Variants in SNX18 observed in about 807,000 individuals in gnomAD.
SNX18 encodes the protein sorting nexin 18, also known as sorting nexin-18.
In SNX18, 35 loss-of-function variants were observed where a neutral mutation model predicts 48.7. That is an observed-to-expected ratio of 0.72 (90% CI 0.55 to 0.95). The LOEUF (loss-of-function observed/expected upper bound fraction) is 0.95, where lower values mean the gene tolerates loss of function less well. Among genes scored for constraint, SNX18 ranks in the 40% least tolerant of loss-of-function variants. The pLI is 0.00. For synonymous variants in SNX18, 492 were observed against 384.7 expected (o/e 1.28, Z -3.26); for missense variants, 824 against 871.0 (o/e 0.95, Z 0.68).
At chr5:54,644,519 A>C in the SNX18 span, 1 of 152,194 alleles carries the variant, frequency 6.6e-6, no homozygotes, top group South Asian at 2.1e-4. Flanking sequence ...CCTAAGAGAA[A>C]CTCAATTCGT....
At chr5:54,575,761 C>G in the SNX18 span, among the ~76,000 whole-genome samples, 1 of 152,060 alleles carries the variant, frequency 6.6e-6, no homozygotes, top group Non-Finnish European at 1.5e-5. Flanking sequence ...CCCTTCTCAC[C>G]AAAGCCTGGA....
In SNX18 at chr5:54,518,490, G is replaced by T. The variant is rs955534594; in HGVS notation, c.538G>T (p.Asp180Tyr). The change falls in exon 1 of 2, where the codon GAC becomes TAC. Residue 180 changes from aspartate to tyrosine, a missense_variant. Transcript: ENST00000381410. ...GGGCAGCGGAGCATACCCGGACCTC[G>T]ACGGCTCGTCTTCGGCGGGTGTGGG... ...ALGSGAYPDL[D>Y]GSSSAGVGAA... 1 of 1,570,948 alleles carries T rather than the reference G, an allele frequency of 6.4e-7. No homozygotes were observed. The highest frequency in any genetic ancestry group is 1.1e-5 in the South Asian group (1 of 87,296).
At chr5:54,573,365 C>G in the SNX18 span, among the ~76,000 whole-genome samples, 1 of 152,090 alleles carries the variant, frequency 6.6e-6, no homozygotes, top group Non-Finnish European at 1.5e-5. Context: ...TTCTTTCTTG[C>G]GCGAGATCCA....
intron 1 of SNX18, among the ~76,000 whole-genome samples, chr5:54,535,316 T>C (rs1251164204): frequency 2.6e-5 from 4 of 152,300 alleles, no homozygotes; most frequent in Non-Finnish European, 5.9e-5. Flanking sequence ...CTAGGACTGG[T>C]GATGGAGAAG....
At chr5:54,533,531 C>T (rs925535974) in intron 1 of SNX18, among the ~76,000 whole-genome samples, 3 of 152,180 alleles carry the variant, frequency 2.0e-5, no homozygotes, top group Non-Finnish European at 4.4e-5. Context: ...AGGGTATCCC[C>T]CCTTGGGCCA....
At chr5:54,527,623 T>A (rs1762161055) in intron 1 of SNX18, among the ~76,000 whole-genome samples, 1 of 152,246 alleles carries the variant, frequency 6.6e-6, no homozygotes, top group Non-Finnish European at 1.5e-5. Context: ...AAGCACTTTC[T>A]AGCTTCAGGT....
chr5:54,642,978 C>CCAAA, the SNX18 span, among the ~76,000 whole-genome samples: 2 of 152,110 alleles, frequency 1.3e-5, no homozygotes, highest in East Asian at 3.9e-4. Context: ...TAACCTTTGC[C>CCAAA]GGGCATGGCC....
downstream of SNX18, among the ~76,000 whole-genome samples, chr5:54,550,028 G>T (rs1387124450): frequency 6.6e-6 from 1 of 152,168 alleles, no homozygotes; most frequent in Non-Finnish European, 1.5e-5. Flanking sequence ...TGCAGTTCAG[G>T]ATTTACCAAA....
chr5:54,573,370 G>A, the SNX18 span, among the ~76,000 whole-genome samples: 1 of 152,062 alleles, frequency 6.6e-6, no homozygotes. Flanking sequence ...TCTTGCGCGA[G>A]ATCCAAGAAC....
the SNX18 span, among the ~76,000 whole-genome samples, chr5:54,647,602 T>C: frequency 6.6e-6 from 1 of 152,084 alleles, no homozygotes; most frequent in Non-Finnish European, 1.5e-5. Flanking sequence ...GGCATGATCG[T>C]AGAGAACCCT....
At chr5:54,630,352 G>A in the SNX18 span, among the ~76,000 whole-genome samples, 1 of 152,166 alleles carries the variant, frequency 6.6e-6, no homozygotes, top group Non-Finnish European at 1.5e-5. Flanking sequence ...TGCATGTGCA[G>A]AGATGCAGGC....
intron 1 of SNX18, among the ~76,000 whole-genome samples, chr5:54,522,577 G>A (rs1206957418): frequency 6.6e-6 from 1 of 152,166 alleles, no homozygotes; most frequent in Admixed American, 6.5e-5. Flanking sequence ...AACTGGGAAG[G>A]GGGAAGCAAG....
At chr5:54,555,378 CTT>C in the SNX18 span, among the ~76,000 whole-genome samples, 19 of 144,440 alleles carry the variant, frequency 1.3e-4, no homozygotes, top group Admixed American at 1.4e-4. Context: ...GCATACCTTT[CTT>C]TTTTTTTTTT....
chr5:54,529,402 G>A (rs1762210799), intron 1 of SNX18, among the ~76,000 whole-genome samples: 1 of 152,092 alleles, frequency 6.6e-6, no homozygotes. Flanking sequence ...AATGGTTTTT[G>A]TATTTTTAAA....
At chr5:54,584,046 CTTTTTTT>C in the SNX18 span, among the ~76,000 whole-genome samples, 1 of 110,650 alleles carries the variant, frequency 9.0e-6, no homozygotes, top group Non-Finnish European at 1.8e-5. Context: ...GTGTGTAGCT[CTTTTTTT>C]TTTTTTTTTT....
the SNX18 span, among the ~76,000 whole-genome samples, chr5:54,562,803 G>A: frequency 6.6e-6 from 1 of 152,164 alleles, no homozygotes; most frequent in South Asian, 2.1e-4. Context: ...GGTCCTTCAG[G>A]AGGTATCCAG....
the SNX18 span, among the ~76,000 whole-genome samples, chr5:54,559,965 A>G: frequency 6.6e-6 from 1 of 152,222 alleles, no homozygotes; most frequent in African/African-American, 2.4e-5. Context: ...AAAGCTCATC[A>G]TCACTGATCA....
At chr5:54,581,634 A>G in the SNX18 span, among the ~76,000 whole-genome samples, 1 of 152,056 alleles carries the variant, frequency 6.6e-6, no homozygotes, top group South Asian at 2.1e-4. Context: ...TGTGTTTACC[A>G]TCATTCAACA....
rs1301595643 is a variant in SNX18, at chr5:54,519,515, A to G, written c.1563A>G (p.Leu521=). ...AGGACCTGGATCCCGTCATGGACCT[A>G]TTAGCGCTGTATCAGGGGCATCTGG... ...PRQDLDPVMD[L]LALYQGHLAN... Residue 521 remains leucine (L), a synonymous_variant, in exon 1 of 2, where the codon CTA becomes CTG. Coordinates refer to ENST00000381410, the MANE Select transcript of SNX18 (RefSeq NM_001102575.2). 3.7e-6 allele frequency: 6 copies of G among 1,614,198 alleles called. No homozygotes were observed. Among genetic ancestry groups the G allele is most frequent in the Non-Finnish European group, 5.1e-6 (6 of 1,180,020 alleles).
Sources: allele counts gnomAD v4.1 joint callset (sites outside exome capture counted in the v4.1 genomes callset), GRCh38; gene constraint gnomAD v4.1.1; transcripts MANE v1.5; gene names NCBI Gene and HGNC (gene_info 2026-07-23, HGNC 2026-07-21).